The following CD200R1 variants were observed in gnomAD, a reference collection of about 807,000 sequenced individuals.
CD200R1 encodes CD200 receptor 1, also known as cell surface glycoprotein CD200 receptor 1.
A neutral mutation model predicts 38.1 loss-of-function variants in CD200R1; 30 were observed. That is an observed-to-expected ratio of 0.79 (90% CI 0.59 to 1.07). The LOEUF is 1.07. CD200R1 is among the 50% of genes least tolerant of loss of function. The pLI is 0.00. For missense variants in CD200R1, 372 were observed against 415.4 expected (o/e 0.90, Z 0.91); for synonymous variants, 128 against 152.1 (o/e 0.84, Z 1.16).
intron 1 of CD200R1, among the ~76,000 whole-genome samples, chr3:112,961,020 G>C (rs1226791590): frequency 1.3e-5 from 2 of 151,998 alleles, no homozygotes; most frequent in African/African-American, 2.4e-5. Context: ...CATCTAGTTA[G>C]TAGCAGATGT....
In CD200R1 at chr3:112,970,351, G is replaced by A. The variant is rs562802730; in HGVS notation, c.67+4440C>T. On this transcript the variant is annotated intron_variant, in intron 1 of 7. Transcript: ENST00000308611. ...GCATGAACAATATCATTTCTTCCTGGGGGGAAAAAGGGCTGATTGTGACTG... is the reference window on the plus strand; with the variant it reads ...GCATGAACAATATCATTTCTTCCTGAGGGGAAAAAGGGCTGATTGTGACTG... Among the ~76,000 whole-genome samples, 17 of 152,074 alleles carry A rather than the reference G, an allele frequency of 1.1e-4. 1 individual carries two copies. In the South Asian group the frequency reaches 3.3e-3, roughly 30 times the overall value.
At chr3:112,949,635 A>G (rs1206846675) in intron 1 of CD200R1, among the ~76,000 whole-genome samples, 2 of 152,260 alleles carry the variant, frequency 1.3e-5, no homozygotes, top group Non-Finnish European at 2.9e-5. Context: ...TACTGCTATG[A>G]GTAGAAATCA....
intron 1 of CD200R1, among the ~76,000 whole-genome samples, chr3:112,957,209 T>C (rs1179306763): frequency 6.6e-6 from 1 of 152,238 alleles, no homozygotes; most frequent in African/African-American, 2.4e-5. Context: ...AATATACTTA[T>C]AACTAGGCAC....
chr3:112,925,229 C>T (rs752410161), intron 5 of CD200R1, 36 bp from the exon 6 acceptor site: 9 of 998,240 alleles, frequency 9.0e-6, no homozygotes, highest in South Asian at 8.2e-5. Context: ...AAATGTGGTA[C>T]AATCCAAATA....
chr3:112,931,156 C>T lies in CD200R1; in HGVS notation c.152G>A (p.Cys51Tyr), dbSNP rs780714244. The change falls in exon 3 of 8, where the codon TGT becomes TAT. Residue 51 changes from cysteine to tyrosine, a missense_variant. Cys to Tyr is a radical substitution (Grantham distance 194). Transcript: ENST00000308611. ...ENHALASSSL[C>Y]MDEKQITQNY... ...CTGTGTAATCTGTTTTTCATCCATA[C>T]ATAAACTGCTTGAAGCTAGAAAATA... 3.7e-6 allele frequency: 6 copies of T among 1,604,006 alleles called. No homozygotes were observed. The Admixed American group carries it at 5.0e-5, about 13-fold the overall frequency.
chr3:112,971,727 A>C (rs1323692098), intron 1 of CD200R1, among the ~76,000 whole-genome samples: 1 of 152,170 alleles, frequency 6.6e-6, no homozygotes, highest in East Asian at 1.9e-4. Flanking sequence ...TAATTTAGCT[A>C]TTAAGGACCC....
At chr3:112,952,705 G>T (rs1285163970) in intron 1 of CD200R1, among the ~76,000 whole-genome samples, 2 of 152,096 alleles carry the variant, frequency 1.3e-5, no homozygotes, top group African/African-American at 4.8e-5. Flanking sequence ...GTTAGTGGGT[G>T]CAGCGCACCA....
chr3:112,963,311 T>A (rs904869121), intron 1 of CD200R1, among the ~76,000 whole-genome samples: 3 of 151,832 alleles, frequency 2.0e-5, no homozygotes, highest in African/African-American at 7.3e-5. Flanking sequence ...CAGGTAGAGG[T>A]TGGAACAGTT....
chr3:112,959,099 T>TA (rs996798586), intron 1 of CD200R1, among the ~76,000 whole-genome samples: 9 of 152,236 alleles, frequency 5.9e-5, no homozygotes, highest in African/African-American at 2.2e-4. Context: ...AAAAAAAACT[T>TA]AGAGATAGAC....
chr3:112,970,595 ATTTTTCAGACACAAATGG>A (rs906418485), intron 1 of CD200R1, among the ~76,000 whole-genome samples: 2 of 152,260 alleles, frequency 1.3e-5, no homozygotes, highest in South Asian at 4.2e-4. Flanking sequence ...TGGCTACTAC[ATTTTTCAGACACAAATGG>A]TTTTTCAGAC....
At chr3:112,965,835 G>T (rs1049873069) in intron 1 of CD200R1, among the ~76,000 whole-genome samples, 1 of 152,114 alleles carries the variant, frequency 6.6e-6, no homozygotes, top group African/African-American at 2.4e-5. Flanking sequence ...AGAGCCAGAA[G>T]TTACTAGAAT....
chr3:112,974,903 C>T lies in CD200R1; in HGVS notation c.-46G>A, dbSNP rs1416172431. On this transcript the variant is annotated 5_prime_UTR_variant, in exon 1 of 8. In the 5' UTR this introduces an upstream ATG that the reference lacks. Transcript: ENST00000308611. ...CCCTTCACTCAGTACTTTTCCTCCA[C>T]ACAGGTACAGAAGGAACTGTGCGCA... is the stretch of plus-strand genomic sequence containing the variant. 2 of 1,499,822 alleles carry T rather than the reference C, an allele frequency of 1.3e-6. No individual in the cohort carries two copies. Among genetic ancestry groups the T allele is most frequent in the Non-Finnish European group, 1.9e-6 (2 of 1,078,014 alleles). The allele number at this position is 1,499,822 out of a possible 1,614,324, so 92.9% of individuals were successfully genotyped here.
chr3:112,964,885 A>C (rs1933118198), intron 1 of CD200R1, among the ~76,000 whole-genome samples: 1 of 152,172 alleles, frequency 6.6e-6, no homozygotes, highest in African/African-American at 2.4e-5. Flanking sequence ...CCATGGGGGC[A>C]GGTCTTTCCC....
intron 2 of CD200R1, among the ~76,000 whole-genome samples, chr3:112,941,488 G>A (rs910252233): frequency 6.6e-6 from 1 of 151,528 alleles, no homozygotes; most frequent in Non-Finnish European, 1.5e-5. Flanking sequence ...GAACAGAGAT[G>A]AGAGCCCTCA....
intron 7 of CD200R1, 108 bp from the exon 8 acceptor site, chr3:112,923,907 A>C: frequency 1.6e-6 from 1 of 624,676 alleles, no homozygotes; most frequent in South Asian, 2.2e-5. Flanking sequence ...GGTGCTCAAG[A>C]GTGCTTATAA....
At chr3:112,961,487 C>T (rs1933017861) in intron 1 of CD200R1, among the ~76,000 whole-genome samples, 1 of 151,894 alleles carries the variant, frequency 6.6e-6, no homozygotes, top group African/African-American at 2.4e-5. Flanking sequence ...GCCTGACTAA[C>T]ATCGTTGTTT....
intron 2 of CD200R1, among the ~76,000 whole-genome samples, chr3:112,946,986 G>T (rs929559788): frequency 6.6e-6 from 1 of 152,026 alleles, no homozygotes; most frequent in Non-Finnish European, 1.5e-5. Context: ...GAAAGTCATG[G>T]GGGAACACTT....
At position 112,928,919 on chromosome 3, in the gene CD200R1, A is replaced by G; in HGVS notation, c.666T>C (p.Thr222=). The G allele has an allele frequency of 6.2e-7, 1 of 1,614,000 alleles. No homozygotes were observed. The highest frequency in any genetic ancestry group is 8.5e-7 in the Non-Finnish European group (1 of 1,179,964). Residue 222 remains threonine, a synonymous_variant, in exon 5 of 8, where the codon ACT becomes ACC. Transcript: ENST00000308611. ...CCTCCCAGTGGCATGTACTCTTAAC[A>G]GTCACTGTGCCATTGCTCCAGTATT... ...KQEYWSNGTV[T]VKSTCHWEVH...
intron 1 of CD200R1, among the ~76,000 whole-genome samples, chr3:112,972,276 T>C (rs1460508300): frequency 6.6e-5 from 10 of 152,234 alleles, no homozygotes. Flanking sequence ...ACAATTGTTT[T>C]GAATCTTTTT....
Sources: allele counts gnomAD v4.1 joint callset (sites outside exome capture counted in the v4.1 genomes callset), GRCh38; gene constraint gnomAD v4.1.1; transcripts MANE v1.5; gene names NCBI Gene and HGNC (gene_info 2026-07-23, HGNC 2026-07-21).